The following NRG4 variants were observed in gnomAD, a reference collection of about 807,000 sequenced individuals.
The protein encoded by NRG4 is neuregulin 4.
Under a neutral mutation model 15.0 loss-of-function variants are expected in NRG4, and 10 were observed. That is an observed-to-expected ratio of 0.67 (90% CI 0.41 to 1.13). The LOEUF (loss-of-function observed/expected upper bound fraction) is 1.13. Ranked by LOEUF, NRG4 falls within the 50% of genes most tolerant of loss-of-function variation. NRG4 has a pLI of 0.00. For synonymous variants in NRG4, 41 were observed against 50.1 expected (o/e 0.82, Z 0.77); for missense variants, 139 against 140.2 (o/e 0.99, Z 0.04).
intron 5 of NRG4, among the ~76,000 whole-genome samples, chr15:75,953,001 A>G (rs1193887755): frequency 6.6e-6 from 1 of 152,114 alleles, no homozygotes; most frequent in Non-Finnish European, 1.5e-5. Context: ...TGGAAGCACA[A>G]AAGTTTTTTG....
chr15:75,958,343 C>T (rs2032348571), intron 4 of NRG4, among the ~76,000 whole-genome samples: 1 of 152,142 alleles, frequency 6.6e-6, no homozygotes, highest in African/African-American at 2.4e-5. Context: ...ACATATTAAA[C>T]ATACTTATTT....
chr15:75,995,949 A>C (rs970616721), intron 3 of NRG4, among the ~76,000 whole-genome samples: 6 of 152,204 alleles, frequency 3.9e-5, no homozygotes, highest in African/African-American at 7.2e-5. Context: ...GTGGAAATAA[A>C]TGCATCAGAC....
intron 5 of NRG4, among the ~76,000 whole-genome samples, chr15:76,024,965 AAACAAAAAAC>A (rs1567117108): frequency 6.6e-6 from 1 of 152,164 alleles, no homozygotes; most frequent in Non-Finnish European, 1.5e-5. Context: ...AAGCAAAAAC[AAACAAAAAAC>A]AACAAACAAC....
At chr15:75,946,671 TTCA>T (rs902759550) in intron 5 of NRG4, among the ~76,000 whole-genome samples, 2 of 152,174 alleles carry the variant, frequency 1.3e-5, no homozygotes, top group African/African-American at 4.8e-5. Flanking sequence ...CCAGAACTTT[TTCA>T]TCATCGTAAA....
chr15:75,946,202 A>C (rs1268104982), intron 5 of NRG4, among the ~76,000 whole-genome samples: 1 of 152,230 alleles, frequency 6.6e-6, no homozygotes, highest in Non-Finnish European at 1.5e-5. Context: ...AATTTAAAAC[A>C]TGAATTATTT....
intron 5 of NRG4, among the ~76,000 whole-genome samples, chr15:75,944,343 A>G (rs1159931051): frequency 6.6e-6 from 1 of 152,160 alleles, no homozygotes; most frequent in African/African-American, 2.4e-5. Context: ...GTGCATGATC[A>G]TACTGTTACA....
At chr15:76,014,309 C>T (rs1483441754), upstream of NRG4, among the ~76,000 whole-genome samples, 9 of 151,956 alleles carry the variant, frequency 5.9e-5, no homozygotes, top group Admixed American at 2.6e-4. Flanking sequence ...TTTACTCTGA[C>T]GAGAGTTTCT....
chr15:75,997,012 A>T (rs1299564619), intron 3 of NRG4, among the ~76,000 whole-genome samples: 1 of 152,086 alleles, frequency 6.6e-6, no homozygotes, highest in Non-Finnish European at 1.5e-5. Context: ...GCTTTTTTTC[A>T]TGATCTTCTC....
intron 3 of NRG4, among the ~76,000 whole-genome samples, chr15:75,965,711 C>T (rs1017751789): frequency 6.6e-6 from 1 of 152,214 alleles, no homozygotes; most frequent in Non-Finnish European, 1.5e-5. Flanking sequence ...AATGTTATGA[C>T]TTCATTGATG....
At chr15:76,004,321 C>T (rs2034516095) in intron 3 of NRG4, among the ~76,000 whole-genome samples, 1 of 152,060 alleles carries the variant, frequency 6.6e-6, no homozygotes, top group Non-Finnish European at 1.5e-5. Context: ...TTACTACAGG[C>T]CGGGTGCAGT....
intron 3 of NRG4, among the ~76,000 whole-genome samples, chr15:76,052,686 A>C (rs1444183563): frequency 1.3e-5 from 2 of 151,098 alleles, no homozygotes; most frequent in African/African-American, 4.9e-5. Flanking sequence ...TCTATCTTCC[A>C]CTTAGAAAGT....
At chr15:76,054,704 T>C (rs1046635599) in intron 2 of NRG4, among the ~76,000 whole-genome samples, 2 of 152,174 alleles carry the variant, frequency 1.3e-5, no homozygotes, top group Admixed American at 1.3e-4. Flanking sequence ...AAATTATTTT[T>C]CAGTAATAAT....
intron 5 of NRG4, among the ~76,000 whole-genome samples, chr15:75,944,770 G>T (rs1197881590): frequency 1.3e-5 from 2 of 150,796 alleles, no homozygotes; most frequent in African/African-American, 4.9e-5. Context: ...TGTGTGTGTG[G>T]GGGGGTGGTT....
At chr15:75,974,979 G>T (rs570324550) in intron 3 of NRG4, among the ~76,000 whole-genome samples, 2 of 152,230 alleles carry the variant, frequency 1.3e-5, no homozygotes, top group East Asian at 3.9e-4. Context: ...TATTGTGTGG[G>T]AGTCTAAGTC....
chr15:76,035,458 G>A (rs753836899), intron 5 of NRG4, among the ~76,000 whole-genome samples: 1 of 152,108 alleles, frequency 6.6e-6, no homozygotes, highest in Admixed American at 6.6e-5. Context: ...ATTAAGGTGA[G>A]CAATAGGGAA....
upstream of NRG4, among the ~76,000 whole-genome samples, chr15:76,014,321 T>G (rs2034908963): frequency 6.6e-6 from 1 of 152,252 alleles, no homozygotes; most frequent in Non-Finnish European, 1.5e-5. Context: ...AGAGTTTCTT[T>G]TGCTGTGCAG....
At position 75,943,383 on chromosome 15, in the gene NRG4, G is replaced by A. The variant is rs2031192937; in HGVS notation, c.*255C>T. 2.2e-6 allele frequency: 1 copy of A among 448,010 alleles called. No individual in the cohort carries two copies. The highest frequency in any genetic ancestry group is 3.7e-5 in the East Asian group (1 of 27,128). 27.8% of individuals were successfully genotyped at this position (448,010 alleles called of 1,614,324 possible). ...GTTGCTTCAGCACATCAGCTTTCTG[G>A]GGAGAGTCATGTTGAACCAATGTGA... is the stretch of plus-strand genomic sequence containing the variant. On this transcript the variant is annotated 3_prime_UTR_variant, in exon 6 of 6. Transcript: ENST00000394907.
chr15:76,002,997 G>A (rs2034469448), intron 3 of NRG4, among the ~76,000 whole-genome samples: 1 of 152,072 alleles, frequency 6.6e-6, no homozygotes. Flanking sequence ...TTTACAGAAT[G>A]CTATACCAAT....
intron 3 of NRG4, among the ~76,000 whole-genome samples, chr15:75,978,314 C>A (rs973983689): frequency 6.6e-6 from 1 of 152,134 alleles, no homozygotes; most frequent in Non-Finnish European, 1.5e-5. Context: ...TCTTCTCATG[C>A]GTAGATTATT....
Sources: gnomAD v4.1 joint callset for allele counts (sites outside exome capture counted in the v4.1 genomes callset) on GRCh38, gnomAD v4.1.1 for gene constraint, MANE v1.5 for transcripts, NCBI Gene and HGNC (gene_info 2026-07-23, HGNC 2026-07-21) for gene names.